ZNF804B: variants seen among roughly 807,000 people sequenced by gnomAD.
ZNF804B encodes zinc finger protein 804B, also known as zinc finger 804B.
A neutral mutation model predicts 101.4 loss-of-function variants in ZNF804B; 80 were observed. The observed-to-expected ratio is 0.79, with a 90% CI of 0.66 to 0.95. The LOEUF (loss-of-function observed/expected upper bound fraction) is 0.95, where lower values mean the gene tolerates loss of function less well. Ranked by LOEUF, ZNF804B falls within the 40% of genes least tolerant of loss-of-function variation. The pLI is 0.00. For synonymous variants in ZNF804B, 622 were observed against 558.8 expected, an observed-to-expected ratio of 1.11 and a Z score of -1.59; for missense variants, 1,673 against 1,561.9, an observed-to-expected ratio of 1.07 and a Z score of -1.20.
At chr7:88,940,019 AAC>A (rs1024383408) in intron 1 of ZNF804B, among the ~76,000 whole-genome samples, 51 of 152,014 alleles carry the variant, frequency 3.4e-4, no homozygotes, top group African/African-American at 1.0e-3. Flanking sequence ...GAAAATTAAA[AAC>A]ACAATTAAAA....
chr7:88,956,324 G>A (rs1793308320), intron 1 of ZNF804B, among the ~76,000 whole-genome samples: 1 of 151,444 alleles, frequency 6.6e-6, no homozygotes, highest in Non-Finnish European at 1.5e-5. Flanking sequence ...GCCAAGATAT[G>A]GAATCAATCT....
At chr7:88,780,977 C>G (rs1790217844) in intron 1 of ZNF804B, among the ~76,000 whole-genome samples, 1 of 152,022 alleles carries the variant, frequency 6.6e-6, no homozygotes, top group Admixed American at 6.6e-5. Context: ...CATCAGGCAA[C>G]AAGGCACAGT....
At chr7:89,098,261 G>A (rs544850002) in intron 1 of ZNF804B, among the ~76,000 whole-genome samples, 3 of 139,774 alleles carry the variant, frequency 2.1e-5, no homozygotes, top group African/African-American at 7.8e-5. Flanking sequence ...AAGGCAAAAA[G>A]CATCATCATA....
intron 1 of ZNF804B, among the ~76,000 whole-genome samples, chr7:88,826,187 A>G (rs1791048466): frequency 6.6e-6 from 1 of 152,218 alleles, no homozygotes; most frequent in Non-Finnish European, 1.5e-5. Flanking sequence ...AATAAATTCA[A>G]TAATTTTACT....
intron 2 of ZNF804B, among the ~76,000 whole-genome samples, chr7:89,309,198 T>C (rs1790613430): frequency 6.6e-6 from 1 of 152,112 alleles, no homozygotes; most frequent in Non-Finnish European, 1.5e-5. Context: ...TGTCCATGTG[T>C]ACCCAATGTT....
chr7:89,199,291 A>G (rs1788597536), intron 1 of ZNF804B, among the ~76,000 whole-genome samples: 1 of 151,744 alleles, frequency 6.6e-6, no homozygotes, highest in South Asian at 2.1e-4. Context: ...GCAATCCTCA[A>G]AACTCCTGCA....
At chr7:88,959,870 T>C (rs1231989529) in intron 1 of ZNF804B, among the ~76,000 whole-genome samples, 1 of 151,450 alleles carries the variant, frequency 6.6e-6, no homozygotes, top group African/African-American at 2.4e-5. Flanking sequence ...TTACAGGTCA[T>C]GCTCCTTCTA....
At chr7:89,106,580 C>A (rs2116345998) in intron 1 of ZNF804B, among the ~76,000 whole-genome samples, 1 of 152,158 alleles carries the variant, frequency 6.6e-6, no homozygotes, top group East Asian at 1.9e-4. Context: ...CTATTACAAT[C>A]TAATGAAAAG....
chr7:89,288,743 C>T (rs1041457793), intron 2 of ZNF804B, among the ~76,000 whole-genome samples: 1 of 151,872 alleles, frequency 6.6e-6, no homozygotes, highest in African/African-American at 2.4e-5. Context: ...CATAAAAATA[C>T]TAAAGGGAAT....
chr7:88,982,847 T>G (rs534379294), intron 1 of ZNF804B, among the ~76,000 whole-genome samples: 3 of 152,100 alleles, frequency 2.0e-5, no homozygotes, highest in Non-Finnish European at 4.4e-5. Flanking sequence ...TCATCACTCT[T>G]ACTACCTAGA....
At chr7:89,164,424 G>A (rs1284311851) in intron 1 of ZNF804B, among the ~76,000 whole-genome samples, 1 of 151,998 alleles carries the variant, frequency 6.6e-6, no homozygotes, top group Admixed American at 6.6e-5. Context: ...AGGTGGATTG[G>A]TATTTTGTAA....
At chr7:89,196,049 A>G (rs1468472430) in intron 1 of ZNF804B, among the ~76,000 whole-genome samples, 1 of 152,108 alleles carries the variant, frequency 6.6e-6, no homozygotes, top group Non-Finnish European at 1.5e-5. Flanking sequence ...ATTAGAAAAA[A>G]CTATCTTAGA....
chr7:88,819,893 T>C (rs1005556494), intron 1 of ZNF804B, among the ~76,000 whole-genome samples: 1 of 152,138 alleles, frequency 6.6e-6, no homozygotes, highest in Non-Finnish European at 1.5e-5. Context: ...ATTGGCAGGG[T>C]CATAAAACTG....
chr7:89,098,270 TA>T (rs1046330520), intron 1 of ZNF804B, among the ~76,000 whole-genome samples: 2 of 105,704 alleles, frequency 1.9e-5, no homozygotes, highest in African/African-American at 3.1e-5. Flanking sequence ...AGCATCATCA[TA>T]ATTTTTTTTT....
chr7:89,233,523 G>A (rs1789231254), intron 2 of ZNF804B, among the ~76,000 whole-genome samples: 1 of 152,126 alleles, frequency 6.6e-6, no homozygotes, highest in Admixed American at 6.5e-5. Context: ...GTACTTACAT[G>A]GTTTGGCCAT....
At chr7:89,324,059 C>T (rs1202351533) in intron 2 of ZNF804B, among the ~76,000 whole-genome samples, 1 of 152,036 alleles carries the variant, frequency 6.6e-6, no homozygotes, top group East Asian at 1.9e-4. Flanking sequence ...ATTGATAGTC[C>T]TCTTTTCATC....
chr7:88,778,863 G>A (rs1357247823), intron 1 of ZNF804B, among the ~76,000 whole-genome samples: 3 of 152,176 alleles, frequency 2.0e-5, no homozygotes, highest in African/African-American at 4.8e-5. Context: ...CCAATGGAAT[G>A]TGCAGTCTAG....
intron 1 of ZNF804B, among the ~76,000 whole-genome samples, chr7:88,859,089 G>A (rs973409355): frequency 4.6e-5 from 7 of 151,914 alleles, no homozygotes; most frequent in African/African-American, 1.7e-4. Context: ...TGTCTAATGA[G>A]CATATAGGTT....
Position 88,829,467 on chromosome 7 carries a change from A to G in ZNF804B, c.108+69383A>G, listed in dbSNP as rs10231293. Among the ~76,000 whole-genome samples, 363 of 152,252 alleles carry G rather than the reference A, an allele frequency of 2.4e-3. 3 individuals are homozygous for G. Among genetic ancestry groups the G allele is most frequent in the African/African-American group, 8.4e-3 (349 of 41,564 alleles). On this transcript the variant is annotated intron_variant, in intron 1 of 3. Coordinates refer to ENST00000333190, the MANE Select transcript of ZNF804B (RefSeq NM_181646.5). ...AAAGAAGACAGTTGAAGGAGCAGCT[A>G]TTAAACCAATGTGATCCTATTAAAG...
Sources: gnomAD v4.1 joint callset for allele counts (sites outside exome capture counted in the v4.1 genomes callset) on GRCh38, gnomAD v4.1.1 for gene constraint, MANE v1.5 for transcripts, NCBI Gene and HGNC (gene_info 2026-07-23, HGNC 2026-07-21) for gene names.